Variants in TEX11 observed in about 807,000 individuals in gnomAD.
The protein encoded by TEX11 is testis-expressed protein 11.
In TEX11, 7 loss-of-function variants were observed where a neutral mutation model predicts 84.4. That is an observed-to-expected ratio of 0.08 (90% CI 0.05 to 0.16). The LOEUF (loss-of-function observed/expected upper bound fraction) is 0.16, where lower values mean the gene tolerates loss of function less well. Ranked by LOEUF, TEX11 falls within the 10% of genes least tolerant of loss-of-function variation. The pLI is 1.00. For missense variants in TEX11, 551 were observed against 660.5 expected (o/e 0.83, Z 1.82); for synonymous variants, 264 against 222.8 (o/e 1.18, Z -1.64).
intron 3 of TEX11, among the ~76,000 whole-genome samples, chrX:70,877,963 TAGC>T (rs747133497): frequency 9.0e-6 from 1 of 110,962 alleles, no homozygotes; most frequent in South Asian, 3.8e-4. Flanking sequence ...TTCTAGATAA[TAGC>T]TGCACAATGT....
At chrX:70,638,736 G>A (rs2089605796) in intron 17 of TEX11, among the ~76,000 whole-genome samples, 1 of 104,981 alleles carries the variant, frequency 9.5e-6, no homozygotes, top group African/African-American at 3.5e-5. Context: ...GGGAGGTGGA[G>A]GTTGCAGTGA....
At chrX:70,762,398 A>C (rs1180079328) in intron 9 of TEX11, among the ~76,000 whole-genome samples, 1 of 111,788 alleles carries the variant, frequency 8.9e-6, no homozygotes, top group Non-Finnish European at 1.9e-5. Context: ...CAGGAAAAAA[A>C]CGTTTAAAAG....
chrX:70,827,482 G>A (rs763016278), intron 8 of TEX11, among the ~76,000 whole-genome samples: 107 of 111,330 alleles, frequency 9.6e-4, no homozygotes, highest in Middle Eastern at 4.7e-3. Context: ...AGTATTTCTC[G>A]TCCTGGGCCA....
intron 11 of TEX11, among the ~76,000 whole-genome samples, chrX:70,734,075 G>C (rs1202483936): frequency 9.1e-6 from 1 of 110,436 alleles, no homozygotes; most frequent in Non-Finnish European, 1.9e-5. Flanking sequence ...AACACCGCAT[G>C]TTCTCACTCA....
At chrX:70,545,322 G>T (rs1409426573) in intron 28 of TEX11, among the ~76,000 whole-genome samples, 1 of 112,119 alleles carries the variant, frequency 8.9e-6, no homozygotes, top group Non-Finnish European at 1.9e-5. Flanking sequence ...TCTCCTTATT[G>T]TATAAGTGTT....
chrX:70,645,928 G>A (rs1191288543), intron 17 of TEX11, among the ~76,000 whole-genome samples: 4 of 110,740 alleles, frequency 3.6e-5, no homozygotes, highest in Non-Finnish European at 7.6e-5. Context: ...AAATACTGAC[G>A]TTTCCACGGA....
intron 7 of TEX11, among the ~76,000 whole-genome samples, chrX:70,840,822 T>C (rs1421026150): frequency 9.0e-6 from 1 of 110,940 alleles, no homozygotes. Flanking sequence ...AAGGCAGGGG[T>C]TGCAATCCTA....
chrX:70,865,640 G>A (rs2091595259), intron 4 of TEX11, among the ~76,000 whole-genome samples: 2 of 111,465 alleles, frequency 1.8e-5, no homozygotes, highest in Non-Finnish European at 3.8e-5. Flanking sequence ...CCACATAATT[G>A]GAAGTAAAAC....
rs1343043339 is a variant in TEX11, at chrX:70,591,803, T to C, written c.2088A>G (p.Ala696=). 8.3e-7 allele frequency: 1 copy of C among 1,209,800 alleles called. No homozygotes were observed. The highest frequency in any genetic ancestry group is 1.1e-6 in the Non-Finnish European group (1 of 894,253). The stretch of plus-strand genomic sequence containing the variant: ...CATTGCATGTCTGGATCTCCTCAAG[T>C]GCACGACTCAGGAACATGGTCTGTT... The part of the protein sequence containing the change: ...AFEQTMFLSR[A]LEEIQTCNDI... The change falls in exon 25 of 30, where the codon GCA becomes GCG. Residue 696 remains alanine, a synonymous_variant. Transcript: ENST00000374333.
chrX:70,524,904 C>A (rs1603021876), downstream of TEX11, among the ~76,000 whole-genome samples: 1 of 112,360 alleles, frequency 8.9e-6, no homozygotes, highest in African/African-American at 3.2e-5. Flanking sequence ...CCGGACATGG[C>A]GGCTCATGCC....
At chrX:70,856,253 GA>G (rs886751108) in intron 5 of TEX11, among the ~76,000 whole-genome samples, 2 of 111,111 alleles carry the variant, frequency 1.8e-5, no homozygotes, top group African/African-American at 6.5e-5. Flanking sequence ...AAACGAGGGG[GA>G]AAAAATCAGG....
At chrX:70,566,238 T>G (rs1237928731) in intron 25 of TEX11, among the ~76,000 whole-genome samples, 1 of 100,913 alleles carries the variant, frequency 9.9e-6, no homozygotes, top group Admixed American at 1.1e-4. Flanking sequence ...TGCTTGTGAT[T>G]TTTGTACATT....
intron 13 of TEX11, among the ~76,000 whole-genome samples, chrX:70,713,785 A>G (rs992941911): frequency 7.3e-5 from 8 of 110,246 alleles, no homozygotes; most frequent in African/African-American, 3.3e-5. Context: ...TTGTGTCTCT[A>G]TTTCCTTCAG....
At chrX:70,806,295 A>T (rs765015421) in intron 9 of TEX11, among the ~76,000 whole-genome samples, 33 of 111,189 alleles carry the variant, frequency 3.0e-4, no homozygotes, top group Non-Finnish European at 5.5e-4. Flanking sequence ...TCTCTACCAA[A>T]GATATTAAAA....
intron 19 of TEX11, 72 bp from the exon 20 acceptor site, chrX:70,624,078 G>A (rs1371655555): frequency 2.4e-6 from 2 of 838,448 alleles, no homozygotes; most frequent in Non-Finnish European, 3.4e-6. Flanking sequence ...TACATACCAA[G>A]TTACTAACCT....
intron 9 of TEX11, among the ~76,000 whole-genome samples, chrX:70,776,260 C>A (rs1639057760): frequency 1.8e-5 from 2 of 110,820 alleles, no homozygotes; most frequent in Middle Eastern, 4.2e-3. Flanking sequence ...TACATATACA[C>A]AACAGAGTAC....
chrX:70,859,600 A>AAAAG (rs1556187117), intron 5 of TEX11, among the ~76,000 whole-genome samples: 51 of 96,191 alleles, frequency 5.3e-4, no homozygotes, highest in Non-Finnish European at 8.1e-4. Flanking sequence ...AAAAAAAAAA[A>AAAAG]AGAGAGAACA....
chrX:70,752,207 CATACTTGAGTTTTTAAACATATATAGACA>C (rs2147759236), intron 9 of TEX11, among the ~76,000 whole-genome samples: 1 of 111,544 alleles, frequency 9.0e-6, no homozygotes, highest in South Asian at 3.7e-4. Context: ...TATAACCATG[CATACTTGAGTTTTTAAACATATATAGACA>C]TAGTAAGTAT....
chrX:70,620,114 A>G (rs2089367027), intron 20 of TEX11, among the ~76,000 whole-genome samples: 1 of 110,960 alleles, frequency 9.0e-6, no homozygotes, highest in African/African-American at 3.3e-5. Flanking sequence ...GTGAGCCACA[A>G]TGCCCGGCCA....
Sources: gnomAD v4.1 joint callset for allele counts (sites outside exome capture counted in the v4.1 genomes callset) on GRCh38, gnomAD v4.1.1 for gene constraint, MANE v1.5 for transcripts, NCBI Gene and HGNC (gene_info 2026-07-23, HGNC 2026-07-21) for gene names.